Variants in SLC6A8 observed in about 807,000 individuals in gnomAD.
SLC6A8 encodes the protein solute carrier family 6 member 8.
A neutral mutation model predicts 48.3 loss-of-function variants in SLC6A8; 6 were observed. That is an observed-to-expected ratio of 0.12 (90% confidence interval 0.07 to 0.25). The LOEUF (loss-of-function observed/expected upper bound fraction) is 0.25, where lower values mean the gene tolerates loss of function less well. SLC6A8 is among the 10% of genes least tolerant of loss of function. The pLI, the probability that SLC6A8 is intolerant of heterozygous loss-of-function variation, is 1.00. For missense variants in SLC6A8, 260 were observed against 551.5 expected, an observed-to-expected ratio of 0.47 and a Z score of 5.29; for synonymous variants, 245 against 244.0, an observed-to-expected ratio of 1.00 and a Z score of -0.04.
rs1275532394 is a variant in SLC6A8, at chrX:153,692,475, G to T, written c.777+368G>T. 5.5e-5 allele frequency: 19 copies of T among 345,484 alleles called. No homozygotes were observed. In the East Asian group the frequency reaches 1.5e-3, roughly 27 times the overall value. The allele number at this position is 345,484 out of a possible 1,213,427, so 28.5% of individuals were successfully genotyped here. On this transcript the variant is annotated intron_variant, in intron 4 of 12. Coordinates refer to ENST00000253122, the MANE Select transcript of SLC6A8 (RefSeq NM_005629.4). ...CCTTGGGGGCTCCTGGTCAGGCTGG[G>T]GAGTCACCTGAACAAAGAAGACAGT...
At chrX:153,694,680 G>C (rs2091478534) in intron 11 of SLC6A8, 39 bp from the exon 12 acceptor site, 1 of 1,205,460 alleles carries the variant, frequency 8.3e-7, no homozygotes, top group African/African-American at 1.7e-5. Context: ...AGGCAGGGCG[G>C]GGTAGGGGCC....
At position 153,688,682 on chromosome X, in the gene SLC6A8, C is replaced by T; in HGVS notation, c.108C>T (p.Gly36=). 3 of 1,098,001 alleles carry T rather than the reference C, an allele frequency of 2.7e-6. No individual in the cohort carries two copies. Among genetic ancestry groups the T allele is most frequent in the Non-Finnish European group, 3.6e-6 (3 of 837,604 alleles). The allele number at this position is 1,098,001 out of a possible 1,213,427, so 90.5% of individuals were successfully genotyped here. A position where few individuals can be genotyped will look rare whatever the true frequency, so the allele number is the denominator to read the frequency against. Residue 36 remains glycine, a synonymous_variant, in exon 1 of 13, where the codon GGC becomes GGT. Transcript: ENST00000253122. ...ACGGGGCCCCGGCCAAGGGCGACGG[C>T]CCCGTGGGCCTGGGGACACCCGGCG... ...GPDGAPAKGD[G]PVGLGTPGGR...
Position 153,696,177 on chromosome X carries a change from G to C in SLC6A8, c.*963G>C. ...CCCAGCCCCAGACTGGATTGGAAAA[G>C]TGCATGGTGGGGGCCTCGGGGCTGT... On this transcript the variant is annotated 3_prime_UTR_variant, in exon 13 of 13. Transcript: ENST00000253122. 4.0e-6 allele frequency: 1 copy of C among 249,672 alleles called. No homozygotes were observed. Among genetic ancestry groups the C allele is most frequent in the South Asian group, 3.9e-5 (1 of 25,792 alleles). The allele number at this position is 249,672 out of a possible 1,213,427, so 20.6% of individuals were successfully genotyped here.
intron 2 of SLC6A8, 181 bp downstream of exon 2, chrX:153,690,687 G>C: frequency 2.0e-6 from 1 of 508,918 alleles, no homozygotes; most frequent in Non-Finnish European, 3.3e-6. Flanking sequence ...GGGGACTAGA[G>C]GGGGCATAGG....
chrX:153,688,053 G>A lies in SLC6A8; in HGVS notation c.-522G>A, dbSNP rs1392025969. On this transcript the variant is annotated 5_prime_UTR_variant, in exon 1 of 13. Coordinates refer to ENST00000253122, the MANE Select transcript of SLC6A8 (RefSeq NM_005629.4). ...CCGAGCCGCCGCCGCCGCCGCCACC[G>A]CCGCCGCCGCCACCACCGCCACCGG... The A allele has an allele frequency of 9.7e-6, 1 of 103,080 alleles. No individual in the cohort carries two copies. The highest frequency in any genetic ancestry group is 2.0e-5 in the Non-Finnish European group (1 of 50,067). 8.5% of individuals were successfully genotyped at this position (103,080 alleles called of 1,213,427 possible). A position where few individuals can be genotyped will look rare whatever the true frequency, so the allele number is the denominator to read the frequency against.
chrX:153,690,856 G>C (rs2091451411), intron 2 of SLC6A8: 2 of 279,344 alleles, frequency 7.2e-6, no homozygotes, highest in Non-Finnish European at 1.3e-5. Flanking sequence ...CCACTGCAGG[G>C]GCGACTGTCT....
At position 153,688,059 on chromosome X, in the gene SLC6A8, G is replaced by GCCGCCACCA. The variant is rs1167453536; in HGVS notation, c.-507_-499dup. 9.7e-6 allele frequency: 1 copy of GCCGCCACCA among 102,802 alleles called. No homozygotes were observed. Among genetic ancestry groups the GCCGCCACCA allele is most frequent in the Non-Finnish European group, 2.0e-5 (1 of 49,919 alleles). 8.5% of individuals were successfully genotyped at this position (102,802 alleles called of 1,213,427 possible). On this transcript the variant is annotated 5_prime_UTR_variant, in exon 1 of 13. Transcript: ENST00000253122. ...CGCCGCCGCCGCCGCCACCGCCGCC[G>GCCGCCACCA]CCGCCACCACCGCCACCGGAGTCGC...
In SLC6A8 at chrX:153,688,901, G is replaced by A. The variant is rs1250470705; in HGVS notation, c.262+65G>A. Reference sequence around the variant, plus strand: ...GCCGCCGGCCCCCGCCCGACCCCCGGAGCCGCCGCGGAGGGGTGAAGTCCG... The same window carrying A: ...GCCGCCGGCCCCCGCCCGACCCCCGAAGCCGCCGCGGAGGGGTGAAGTCCG... On this transcript the variant is annotated intron_variant, in intron 1 of 12. Coordinates refer to ENST00000253122, the MANE Select transcript of SLC6A8 (RefSeq NM_005629.4). 2,112 of 740,346 alleles carry A rather than the reference G, an allele frequency of 2.9e-3. 7 individuals carry two copies. Among genetic ancestry groups the A allele is most frequent in the Non-Finnish European group, 3.4e-3 (1,930 of 559,940 alleles). 61.0% of individuals were successfully genotyped at this position (740,346 alleles called of 1,213,427 possible). A position where few individuals can be genotyped will look rare whatever the true frequency, so the allele number is the denominator to read the frequency against.
chrX:153,691,013 C>T, intron 2 of SLC6A8: 2 of 318,433 alleles, frequency 6.3e-6, no homozygotes. Flanking sequence ...ACAGAAGGGG[C>T]CAGGTGTATG....
In SLC6A8 at chrX:153,693,796, C is replaced by T. The variant is rs1359813296; in HGVS notation, c.1142-109C>T. The T allele has an allele frequency of 8.6e-6, 7 of 813,144 alleles. No homozygotes were observed. The African/African-American group carries it at 1.0e-4, about 12-fold the overall frequency. 67.0% of individuals were successfully genotyped at this position (813,144 alleles called of 1,213,427 possible). A position where few individuals can be genotyped will look rare whatever the true frequency, so the allele number is the denominator to read the frequency against. ...CTGCCGCACGACCCAGGGTTGACAG[C>T]GCCTCTGAGGCAGGCGTGGGCATGG... On this transcript the variant is annotated intron_variant, in intron 7 of 12. Coordinates refer to ENST00000253122, the MANE Select transcript of SLC6A8 (RefSeq NM_005629.4).
At chrX:153,693,838 C>A (rs2091471468) in intron 7 of SLC6A8, 67 bp from the exon 8 acceptor site, 1 of 934,549 alleles carries the variant, frequency 1.1e-6, no homozygotes, top group Admixed American at 2.6e-5. Context: ...GTGTTGCAGG[C>A]AGGGCTCAGG....
Position 153,688,595 on chromosome X carries a change from G to A in SLC6A8, c.21G>A (p.Glu7=). ...AGGCCATGGCGAAGAAGAGCGCCGA[G>A]AACGGCATCTATAGCGTGTCCGGCG... The part of the protein sequence containing the change: MAKKSA[E]NGIYSVSGDE... Residue 7 remains glutamate (E), a synonymous_variant, in exon 1 of 13, where the codon GAG becomes GAA. Transcript: ENST00000253122. 1.9e-6 allele frequency: 2 copies of A among 1,059,714 alleles called. No homozygotes were observed. Among genetic ancestry groups the A allele is most frequent in the Non-Finnish European group, 2.4e-6 (2 of 816,387 alleles). 87.3% of individuals were successfully genotyped at this position (1,059,714 alleles called of 1,213,427 possible). A position where few individuals can be genotyped will look rare whatever the true frequency, so the allele number is the denominator to read the frequency against.
At chrX:153,689,943 C>T (rs782553888) in intron 1 of SLC6A8, among the ~76,000 whole-genome samples, 44 of 112,816 alleles carry the variant, frequency 3.9e-4, no homozygotes, top group Non-Finnish European at 5.6e-4. Flanking sequence ...AGGACAGTCG[C>T]GCTCCCTGCC....
Position 153,694,708 on chromosome X carries a change from C to G in SLC6A8, c.1597-11C>G. On this transcript the variant is annotated splice_polypyrimidine_tract_variant and intron_variant, in intron 11 of 12. Coordinates refer to ENST00000253122, the MANE Select transcript of SLC6A8 (RefSeq NM_005629.4). ...TAGGGGCCCCATTAACCGCAGCATT[C>G]TGGTCCGTAGGGCATCTTCATCTTC... 8.3e-7 allele frequency: 1 copy of G among 1,210,552 alleles called. No individual in the cohort carries two copies. Among genetic ancestry groups the G allele is most frequent in the Non-Finnish European group, 1.1e-6 (1 of 895,122 alleles).
chrX:153,694,255 C>A lies in SLC6A8; in HGVS notation c.1380C>A (p.Ser460=). ...CCALCFVIDL[S]MVTDGGMYVF... ...CCCTCTGCTTTGTCATCGATCTCTC[C>A]ATGGTGACTGATGTGAGTGGGGTGG... Residue 460 remains serine, a synonymous_variant, in exon 9 of 13, where the codon TCC becomes TCA. Transcript: ENST00000253122. 1 of 1,211,370 alleles carries A rather than the reference C, an allele frequency of 8.3e-7. No homozygotes were observed. The highest frequency in any genetic ancestry group is 1.1e-6 in the Non-Finnish European group (1 of 895,131).
rs2091491799 is a variant in SLC6A8, at chrX:153,696,312, G to A, written c.*1098G>A. 6.1e-6 allele frequency: 2 copies of A among 327,988 alleles called. No individual in the cohort carries two copies. The highest frequency in any genetic ancestry group is 2.6e-5 in the South Asian group (1 of 37,839). 27.0% of individuals were successfully genotyped at this position (327,988 alleles called of 1,213,427 possible). A position where few individuals can be genotyped will look rare whatever the true frequency, so the allele number is the denominator to read the frequency against. ...GCTCAGGCTTCCCACCCTGTGCGGGGCACACCCCCAGGAAGGGACCCTGGA... is the reference window on the plus strand; with the variant it reads ...GCTCAGGCTTCCCACCCTGTGCGGGACACACCCCCAGGAAGGGACCCTGGA... On this transcript the variant is annotated 3_prime_UTR_variant, in exon 13 of 13. Transcript: ENST00000253122.
At chrX:153,691,107 G>A (rs1300494720) in intron 2 of SLC6A8, 197 bp from the exon 3 acceptor site, 7 of 469,457 alleles carry the variant, frequency 1.5e-5, no homozygotes, top group African/African-American at 9.6e-5. Context: ...GGCGGCTGGA[G>A]GAGAGGAGAC....
At position 153,693,255 on chromosome X, in the gene SLC6A8, T is replaced by C. The variant is rs1557045039; in HGVS notation, c.913-8T>C. The C allele has an allele frequency of 1.5e-5, 18 of 1,210,333 alleles. No individual in the cohort carries two copies. Among genetic ancestry groups the C allele is most frequent in the Non-Finnish European group, 1.9e-5 (17 of 894,100 alleles). On this transcript the variant is annotated splice_region_variant and splice_polypyrimidine_tract_variant and intron_variant, in intron 5 of 12. Coordinates refer to ENST00000253122, the MANE Select transcript of SLC6A8 (RefSeq NM_005629.4). The stretch of plus-strand genomic sequence containing the variant: ...CCCTCATGCCTGCGCTCTCCGGCCC[T>C]TCTCTAGGTGTGGATAGATGCGGGG...
chrX:153,692,035 G>A lies in SLC6A8; in HGVS notation c.705G>A (p.Val235=). The A allele has an allele frequency of 8.3e-7, 1 of 1,199,324 alleles. No homozygotes were observed. Among genetic ancestry groups the A allele is most frequent in the Non-Finnish European group, 1.1e-6 (1 of 887,279 alleles). Residue 235 remains valine (V), a synonymous_variant, in exon 4 of 13, where the codon GTG becomes GTA. Transcript: ENST00000253122. ...LEVPGALNWE[V]TLCLLACWVL... is the part of the protein sequence containing the mutation. ...TGCCAGGGGCCCTCAACTGGGAGGT[G>A]ACCCTTTGTCTGCTGGCCTGCTGGG...
Sources: allele counts gnomAD v4.1 joint callset (sites outside exome capture counted in the v4.1 genomes callset), GRCh38; gene constraint gnomAD v4.1.1; transcripts MANE v1.5; gene names NCBI Gene and HGNC (gene_info 2026-07-23, HGNC 2026-07-21).